Variants in KLHL18 observed in about 807,000 individuals in gnomAD.
The protein encoded by KLHL18 is kelch-like protein 18.
Under a neutral mutation model 58.5 loss-of-function variants are expected in KLHL18, and 38 were observed. The ratio of observed to expected loss-of-function variants is 0.65; its 90% CI spans 0.50 to 0.85. The LOEUF (loss-of-function observed/expected upper bound fraction) is 0.85, where lower values mean the gene tolerates loss of function less well. KLHL18 is among the 40% of genes least tolerant of loss of function. The probability of loss-of-function intolerance (pLI) is 0.00; values close to 1 mark genes in which losing one functional copy is unlikely to be tolerated. For missense variants in KLHL18, 624 were observed against 778.4 expected, an observed-to-expected ratio of 0.80 and a Z score of 2.36; for synonymous variants, 303 against 301.9, an observed-to-expected ratio of 1.00 and a Z score of -0.04.
chr3:47,303,013 C>T (rs1234787450), intron 1 of KLHL18, among the ~76,000 whole-genome samples: 1 of 152,190 alleles, frequency 6.6e-6, no homozygotes, highest in Non-Finnish European at 1.5e-5. Flanking sequence ...TGTTTAATTT[C>T]TCAAAGATCT....
intron 1 of KLHL18, among the ~76,000 whole-genome samples, chr3:47,301,135 C>T (rs924137101): frequency 6.6e-6 from 1 of 151,738 alleles, no homozygotes; most frequent in Non-Finnish European, 1.5e-5. Context: ...ACAGATAGAT[C>T]TTTGTCAGGT....
intron 1 of KLHL18, among the ~76,000 whole-genome samples, chr3:47,294,356 T>C (rs1702853165): frequency 6.6e-6 from 1 of 152,188 alleles, no homozygotes; most frequent in African/African-American, 2.4e-5. Context: ...CAAGCCTTTT[T>C]GAGTATGAGC....
chr3:47,323,153 ATC>A (rs1410155771), intron 3 of KLHL18, among the ~76,000 whole-genome samples: 1 of 149,964 alleles, frequency 6.7e-6, no homozygotes, highest in Non-Finnish European at 1.5e-5. Context: ...CAGTGGTATG[ATC>A]TCGCCTCACT....
intron 1 of KLHL18, among the ~76,000 whole-genome samples, chr3:47,318,670 G>A (rs1361099263): frequency 6.6e-6 from 1 of 152,242 alleles, no homozygotes; most frequent in Non-Finnish European, 1.5e-5. Flanking sequence ...AGAAGCAAGA[G>A]GTTGCCCCTG....
intron 1 of KLHL18, among the ~76,000 whole-genome samples, chr3:47,299,960 C>G (rs1178033859): frequency 2.0e-5 from 3 of 151,494 alleles, no homozygotes; most frequent in Non-Finnish European, 4.4e-5. Context: ...CTCCAGCCTG[C>G]TAGCCACACT....
At chr3:47,304,886 T>G (rs531490493) in intron 1 of KLHL18, among the ~76,000 whole-genome samples, 10 of 152,038 alleles carry the variant, frequency 6.6e-5, no homozygotes, top group African/African-American at 2.2e-4. Flanking sequence ...TAGCTGGGTG[T>G]GGTGGTGCCC....
Position 47,330,117 on chromosome 3 carries a change from CG to C in KLHL18, c.571del (p.Asp191MetfsTer3), listed in dbSNP as rs746860984. The C allele has an allele frequency of 1.2e-6, 2 of 1,614,052 alleles. No individual in the cohort carries two copies. The highest frequency in any genetic ancestry group is 8.5e-7 in the Non-Finnish European group (1 of 1,179,996). On this transcript the variant is annotated frameshift_variant, in exon 4 of 10. Transcript: ENST00000232766. LOFTEE classifies it high-confidence loss of function. The part of the protein sequence containing the change: ...PLEDVLELVS[R>X]DELNVKSEEQ... ...GGAAGACGTGCTTGAGCTGGTGTCTCGGGATGAGCTGAATGTCAAATCTGAG... is the reference window on the plus strand; with the variant it reads ...GGAAGACGTGCTTGAGCTGGTGTCTCGGATGAGCTGAATGTCAAATCTGAG...
chr3:47,316,665 ATACG>A (rs1431333838), intron 1 of KLHL18, among the ~76,000 whole-genome samples: 10 of 141,036 alleles, frequency 7.1e-5, no homozygotes, highest in Admixed American at 1.4e-4. Flanking sequence ...ATATACATAT[ATACG>A]TATATATGTA....
chr3:47,312,948 C>T (rs143652058), intron 1 of KLHL18, among the ~76,000 whole-genome samples: 4,220 of 131,552 alleles, frequency 0.032, 204 homozygotes, highest in East Asian at 0.14. Context: ...CTCGCTCTGT[C>T]GCCCAGGCTG....
chr3:47,335,289 G>A (rs1200468563), intron 6 of KLHL18, among the ~76,000 whole-genome samples: 1 of 152,128 alleles, frequency 6.6e-6, no homozygotes, highest in Non-Finnish European at 1.5e-5. Context: ...GACTGAGAAA[G>A]TCCCCAAGAG....
chr3:47,329,296 C>T lies in KLHL18; in HGVS notation c.402-655C>T, dbSNP rs295447. 2.7e-3 allele frequency among the ~76,000 whole-genome samples: 404 copies of T among 152,144 alleles called. 1 individual carries two copies. The highest frequency in any genetic ancestry group is 5.1e-3 in the Non-Finnish European group (347 of 67,990). On this transcript the variant is annotated intron_variant, in intron 3 of 9. Transcript: ENST00000232766. ...AGGCTGGAGTGCAGTGGCGCAGTCT[C>T]GGCTCACTGCAAGCTCCGCCTCCTG... is the stretch of plus-strand genomic sequence containing the variant.
chr3:47,283,074 C>A lies in KLHL18; in HGVS notation c.109C>A (p.Leu37Met), dbSNP rs1358805561. 6.3e-7 allele frequency: 1 copy of A among 1,586,698 alleles called. No individual in the cohort carries two copies. Among genetic ancestry groups the A allele is most frequent in the South Asian group, 1.1e-5 (1 of 87,366 alleles). Residue 37 changes from leucine to methionine, a missense_variant, in exon 1 of 10, where the codon CTG becomes ATG. Physicochemically the swap from Leu to Met is conservative, Grantham distance 15. Coordinates refer to ENST00000232766, the MANE Select transcript of KLHL18 (RefSeq NM_025010.5). The stretch of plus-strand genomic sequence containing the variant: ...GGAGGAGATCCGGCGGCAGGGCAAG[C>A]TGTGCGACGTGACCCTCAAGGTACC... Reference protein sequence around the residue: ...VMEEIRRQGKLCDVTLKIGDH... With the variant: ...VMEEIRRQGKMCDVTLKIGDH...
At chr3:47,301,702 G>C (rs1576144615) in intron 1 of KLHL18, among the ~76,000 whole-genome samples, 1 of 152,298 alleles carries the variant, frequency 6.6e-6, no homozygotes, top group East Asian at 1.9e-4. Context: ...TGCAACTTTT[G>C]ACTTCCCAAA....
intron 8 of KLHL18, 48 bp downstream of exon 8, chr3:47,340,724 G>A (rs1413757437): frequency 1.9e-6 from 3 of 1,607,400 alleles, no homozygotes; most frequent in African/African-American, 2.7e-5. Flanking sequence ...TAAACAGAGA[G>A]TATAAAAATC....
intron 3 of KLHL18, among the ~76,000 whole-genome samples, chr3:47,325,229 C>T (rs1703687824): frequency 6.6e-6 from 1 of 151,936 alleles, no homozygotes; most frequent in Non-Finnish European, 1.5e-5. Flanking sequence ...CAGAGTGTCA[C>T]TCTTGTTGCC....
Position 47,340,670 on chromosome 3 carries a change from CGGACAAG to C in KLHL18, c.1221_1226+1del. The C allele has an allele frequency of 6.2e-6, 10 of 1,613,880 alleles. No individual in the cohort carries two copies. Among genetic ancestry groups the C allele is most frequent in the Non-Finnish European group, 7.6e-6 (9 of 1,179,934 alleles). ...TCCGTGGAGACCTACTCACCTGAGA[CGGACAAG>C]TAAGGACTCCAGCTCCCTTGGGGCA... On this transcript the variant is annotated splice_donor_variant and coding_sequence_variant, in exon 8 of 10. Transcript: ENST00000232766. LOFTEE classifies it high-confidence loss of function.
At chr3:47,325,419 G>A (rs187878939) in intron 3 of KLHL18, among the ~76,000 whole-genome samples, 2 of 152,094 alleles carry the variant, frequency 1.3e-5, no homozygotes, top group African/African-American at 4.8e-5. Flanking sequence ...GGATGGTCTC[G>A]ATCTCCTGAC....
At chr3:47,342,688 C>G in intron 8 of KLHL18, 31 bp from the exon 9 acceptor site, 4 of 1,570,684 alleles carry the variant, frequency 2.5e-6, no homozygotes, top group Non-Finnish European at 3.5e-6. Flanking sequence ...GAATCTCATG[C>G]TTCCCCTCCT....
chr3:47,285,320 A>T (rs1272682798), intron 1 of KLHL18, among the ~76,000 whole-genome samples: 1 of 152,270 alleles, frequency 6.6e-6, no homozygotes, highest in African/African-American at 2.4e-5. Context: ...TGTTAAGGCC[A>T]CTAGAAACTT....
Sources: gnomAD v4.1 joint callset for allele counts (sites outside exome capture counted in the v4.1 genomes callset) on GRCh38, gnomAD v4.1.1 for gene constraint, MANE v1.5 for transcripts, NCBI Gene and HGNC (gene_info 2026-07-23, HGNC 2026-07-21) for gene names.